CELF5: variants seen among roughly 807,000 people sequenced by gnomAD.
The protein encoded by CELF5 is CUGBP Elav-like family member 5, also known as CUG-BP and ETR-3 like factor 5.
Under a neutral mutation model 54.9 loss-of-function variants are expected in CELF5, and 6 were observed. The ratio of observed to expected loss-of-function variants is 0.11; its 90% CI spans 0.06 to 0.22. The LOEUF is 0.22. Ranked by LOEUF, CELF5 falls within the 10% of genes least tolerant of loss-of-function variation. The pLI, the probability that CELF5 is intolerant of heterozygous loss-of-function variation, is 1.00. For missense variants in CELF5, 401 were observed against 678.6 expected (o/e 0.59, Z 4.54); for synonymous variants, 271 against 290.9 (o/e 0.93, Z 0.70).
In CELF5 at chr19:3,291,361, C is replaced by T. The variant is rs1284382707; in HGVS notation, c.1330+987C>T. Among the ~76,000 whole-genome samples, 5 of 151,768 alleles carry T rather than the reference C, an allele frequency of 3.3e-5. No homozygotes were observed. In the East Asian group the frequency reaches 5.8e-4, roughly 18 times the overall value. On this transcript the variant is annotated intron_variant, in intron 11 of 12. Coordinates refer to ENST00000292672, the MANE Select transcript of CELF5 (RefSeq NM_021938.4). The stretch of plus-strand genomic sequence containing the variant: ...TGGGTGGTTCACGAGGTCAGAAGAT[C>T]GAGACATCCTGGCTAACACAGTGAA...
rs577262929 is a variant in CELF5, at chr19:3,280,064, C to G, written c.604-1135C>G. ...GCAGCATCCTGACTGCACAGACAGA[C>G]ACTCCCTGGCTCACCGCTGCTTCGA... On this transcript the variant is annotated intron_variant, in intron 5 of 12. Coordinates refer to ENST00000292672, the MANE Select transcript of CELF5 (RefSeq NM_021938.4). 3.5e-4 allele frequency among the ~76,000 whole-genome samples: 54 copies of G among 152,320 alleles called. 1 individual carries two copies. Among genetic ancestry groups the G allele is most frequent in the African/African-American group, 1.3e-3 (52 of 41,564 alleles).
intron 11 of CELF5, among the ~76,000 whole-genome samples, chr19:3,291,873 A>T (rs745986848): frequency 6.6e-6 from 1 of 152,144 alleles, no homozygotes; most frequent in Non-Finnish European, 1.5e-5. Flanking sequence ...AAAGGGCTGC[A>T]ATTTGTCCAA....
At chr19:3,264,008 AC>A (rs2079845445) in intron 2 of CELF5, among the ~76,000 whole-genome samples, 1 of 152,088 alleles carries the variant, frequency 6.6e-6, no homozygotes, top group South Asian at 2.1e-4. Context: ...GATGACCACT[AC>A]CCAGCCGGTC....
chr19:3,279,067 G>A (rs986699977), intron 5 of CELF5, among the ~76,000 whole-genome samples: 12 of 152,202 alleles, frequency 7.9e-5, no homozygotes, highest in Admixed American at 2.0e-4. Context: ...TGTAGAGGAT[G>A]GGCAGGGTGC....
chr19:3,250,734 C>T (rs1019101236), intron 1 of CELF5, among the ~76,000 whole-genome samples: 3 of 152,272 alleles, frequency 2.0e-5, no homozygotes, highest in Admixed American at 2.0e-4. Flanking sequence ...CAGGATTTGT[C>T]CTTCTGTGTC....
chr19:3,264,090 G>C (rs759696372), intron 2 of CELF5, among the ~76,000 whole-genome samples: 8 of 152,020 alleles, frequency 5.3e-5, no homozygotes, highest in Non-Finnish European at 1.0e-4. Context: ...CCACTATCTG[G>C]TTGTCGGTAA....
At position 3,278,002 on chromosome 19, in the gene CELF5, C is replaced by T. The variant is rs1233759437; in HGVS notation, c.524-29C>T. Reference sequence around the variant, plus strand: ...CAGCCAGTCCTGTGACCCCATCACCCTCTACCTCTTCTTCTTCTCTTGGAG... The same window carrying T: ...CAGCCAGTCCTGTGACCCCATCACCTTCTACCTCTTCTTCTTCTCTTGGAG... On this transcript the variant is annotated intron_variant, in intron 4 of 12. Coordinates refer to ENST00000292672, the MANE Select transcript of CELF5 (RefSeq NM_021938.4). The surrounding 1 kb of genome is among the most constrained non-coding windows in gnomAD (Gnocchi z 4.5). The T allele has an allele frequency of 6.3e-7, 1 of 1,599,972 alleles. No individual in the cohort carries two copies. The highest frequency in any genetic ancestry group is 1.7e-4 in the Middle Eastern group (1 of 6,044).
chr19:3,247,592 T>G (rs2079585221), intron 1 of CELF5, among the ~76,000 whole-genome samples: 1 of 150,694 alleles, frequency 6.6e-6, no homozygotes, highest in Admixed American at 6.6e-5. Context: ...CAAGACATAG[T>G]GTGACATAGT....
chr19:3,253,850 G>A (rs2079683471), intron 2 of CELF5, among the ~76,000 whole-genome samples: 1 of 152,152 alleles, frequency 6.6e-6, no homozygotes, highest in South Asian at 2.1e-4. Flanking sequence ...AGAGAAATCT[G>A]TACATAGATG....
chr19:3,229,829 G>A (rs1224240539), intron 1 of CELF5, among the ~76,000 whole-genome samples: 2 of 152,208 alleles, frequency 1.3e-5, no homozygotes, highest in East Asian at 1.9e-4. Flanking sequence ...GCCCAGAGGG[G>A]CGCTAACTCC....
At chr19:3,271,667 G>A (rs1246079690) in intron 2 of CELF5, among the ~76,000 whole-genome samples, 1 of 152,150 alleles carries the variant, frequency 6.6e-6, no homozygotes, top group East Asian at 1.9e-4. Context: ...CAGAGATGAG[G>A]AAGGGCCTCT....
chr19:3,289,276 C>G (rs536920634), intron 10 of CELF5, among the ~76,000 whole-genome samples: 11 of 152,124 alleles, frequency 7.2e-5, no homozygotes, highest in Admixed American at 4.6e-4. Flanking sequence ...TTTTTTTTGG[C>G]TAGACGCAGT....
chr19:3,261,919 G>A (rs910759590), intron 2 of CELF5, among the ~76,000 whole-genome samples: 11 of 152,200 alleles, frequency 7.2e-5, no homozygotes, highest in African/African-American at 2.7e-4. Flanking sequence ...ATTTGCAGTG[G>A]TGGATAAGTT....
chr19:3,255,822 T>G (rs1392551627), intron 2 of CELF5, among the ~76,000 whole-genome samples: 1 of 151,970 alleles, frequency 6.6e-6, no homozygotes, highest in African/African-American at 2.4e-5. Flanking sequence ...CCCAGCACTT[T>G]GGGAGGCCGA....
chr19:3,260,115 T>C (rs985280360), intron 2 of CELF5, among the ~76,000 whole-genome samples: 3 of 152,194 alleles, frequency 2.0e-5, no homozygotes, highest in Non-Finnish European at 4.4e-5. Context: ...TGTATTTCTA[T>C]TTTTCTTTTT....
intron 10 of CELF5, 57 bp from the exon 11 acceptor site, chr19:3,290,174 G>C (rs1721595315): frequency 6.8e-7 from 1 of 1,466,150 alleles, no homozygotes; most frequent in Non-Finnish European, 9.5e-7. Flanking sequence ...CCCCTCCCCC[G>C]GGGGGGTTCG....
In CELF5 at chr19:3,259,891, G is replaced by A. The variant is rs902752287; in HGVS notation, c.342+8824G>A. 4.6e-5 allele frequency among the ~76,000 whole-genome samples: 7 copies of A among 152,294 alleles called. No individual in the cohort carries two copies. The East Asian group carries it at 5.8e-4, about 13-fold the overall frequency. ...TCCGGCCCCAATGTCCACAGTGCCCGGGTGGGAGAGACCTTGCCTAGGAAG... is the reference window on the plus strand; with the variant it reads ...TCCGGCCCCAATGTCCACAGTGCCCAGGTGGGAGAGACCTTGCCTAGGAAG... On this transcript the variant is annotated intron_variant, in intron 2 of 12. Coordinates refer to ENST00000292672, the MANE Select transcript of CELF5 (RefSeq NM_021938.4).
intron 1 of CELF5, among the ~76,000 whole-genome samples, chr19:3,239,949 C>G (rs1263839155): frequency 6.6e-6 from 1 of 151,986 alleles, no homozygotes; most frequent in Non-Finnish European, 1.5e-5. Context: ...TCCAGCAGTT[C>G]TTTGCCTGTT....
chr19:3,286,850 C>G (rs2080257832), intron 10 of CELF5: 1 of 150,880 alleles, frequency 6.6e-6, no homozygotes, highest in Non-Finnish European at 1.5e-5. Flanking sequence ...CTGGCTAACA[C>G]GGGGAAACCC....
Sources: allele counts gnomAD v4.1 joint callset (sites outside exome capture counted in the v4.1 genomes callset), GRCh38; gene constraint gnomAD v4.1.1; non-coding constraint Gnocchi (gnomAD v3.1); transcripts MANE v1.5; gene names NCBI Gene and HGNC (gene_info 2026-07-23, HGNC 2026-07-21).